TANC1: variants seen among roughly 807,000 people sequenced by gnomAD.
TANC1 encodes the protein protein TANC1.
Under a neutral mutation model 149.7 loss-of-function variants are expected in TANC1, and 77 were observed. That is an observed-to-expected ratio of 0.51 (90% confidence interval 0.43 to 0.62). TANC1 has a LOEUF of 0.62. TANC1 is among the 20% of genes least tolerant of loss of function. The pLI, the probability that TANC1 is intolerant of heterozygous loss-of-function variation, is 0.00. For missense variants in TANC1, 1,985 were observed against 2,321.8 expected (o/e 0.85, Z 2.98); for synonymous variants, 854 against 925.0 (o/e 0.92, Z 1.39).
At chr2:159,031,557 A>G (rs1574232983) in intron 2 of TANC1, among the ~76,000 whole-genome samples, 3 of 152,258 alleles carry the variant, frequency 2.0e-5, no homozygotes, top group Admixed American at 6.5e-5. Context: ...ATTTTTCCCA[A>G]GTGTAAATTA....
intron 3 of TANC1, among the ~76,000 whole-genome samples, chr2:159,074,090 G>A (rs765969439): frequency 9.2e-5 from 14 of 152,172 alleles, no homozygotes; most frequent in African/African-American, 1.4e-4. Context: ...GAGTTAGAAC[G>A]CAGCATCTGT....
intron 4 of TANC1, among the ~76,000 whole-genome samples, chr2:159,114,874 G>C (rs753190169): frequency 6.6e-6 from 1 of 152,138 alleles, no homozygotes; most frequent in Non-Finnish European, 1.5e-5. Context: ...ATGACTTTTG[G>C]TGGTGATCTT....
At chr2:158,988,058 C>G (rs887580429) in intron 1 of TANC1, among the ~76,000 whole-genome samples, 3 of 151,890 alleles carry the variant, frequency 2.0e-5, no homozygotes, top group African/African-American at 7.3e-5. Flanking sequence ...CGTGGTGGCT[C>G]ACAAGTGTAA....
intron 4 of TANC1, among the ~76,000 whole-genome samples, chr2:159,103,618 C>T (rs2046930397): frequency 1.0e-5 from 1 of 96,944 alleles, no homozygotes; most frequent in African/African-American, 2.9e-5. Flanking sequence ...GAAAAACATT[C>T]AGTTGGCTCC....
In TANC1 at chr2:158,972,498, T is replaced by A. The variant is rs1015672246; in HGVS notation, c.-126+3716T>A. ...CATTTTTGCTGTGTCTCTAAATGTTTGTGCTTTGTCCTGCTTGCCTAGTTA... is the reference window on the plus strand; with the variant it reads ...CATTTTTGCTGTGTCTCTAAATGTTAGTGCTTTGTCCTGCTTGCCTAGTTA... On this transcript the variant is annotated intron_variant, in intron 1 of 26. Transcript: ENST00000263635. Among the ~76,000 whole-genome samples, 18 of 152,312 alleles carry A rather than the reference T, an allele frequency of 1.2e-4. No individual in the cohort carries two copies. In the South Asian group the frequency reaches 3.5e-3, roughly 30 times the overall value.
intron 1 of TANC1, among the ~76,000 whole-genome samples, chr2:158,970,188 G>T (rs1311829222): frequency 6.6e-6 from 1 of 152,132 alleles, no homozygotes; most frequent in Admixed American, 6.5e-5. Context: ...TGGTTAGTTG[G>T]CACAGAGGGC....
rs2150404200 is a variant in TANC1, at chr2:159,163,274, T to C, written c.683-9T>C. The stretch of plus-strand genomic sequence containing the variant: ...GCCTCCTTCAAAGTATTTTGGTCTT[T>C]CATTTCAGCCACAATTACAAGTTCA... On this transcript the variant is annotated splice_polypyrimidine_tract_variant and intron_variant, in intron 7 of 26. Coordinates refer to ENST00000263635, the MANE Select transcript of TANC1 (RefSeq NM_033394.3). The C allele has an allele frequency of 6.8e-6, 11 of 1,610,978 alleles. No homozygotes were observed. The highest frequency in any genetic ancestry group is 9.3e-6 in the Non-Finnish European group (11 of 1,177,820).
rs1324595448 is a variant in TANC1 at position 159,231,380 on chromosome 2, G to C, written c.*368G>C. 5.7e-6 allele frequency: 1 copy of C among 176,190 alleles called. No individual in the cohort carries two copies. The highest frequency in any genetic ancestry group is 1.2e-5 in the Non-Finnish European group (1 of 81,950). The allele number at this position is 176,190 out of a possible 1,614,324, so 10.9% of individuals were successfully genotyped here. A position where few individuals can be genotyped will look rare whatever the true frequency, so the allele number is the denominator to read the frequency against. On this transcript the variant is annotated 3_prime_UTR_variant, in exon 27 of 27. Transcript: ENST00000263635. The stretch of plus-strand genomic sequence containing the variant: ...TATGTCTATTGTTCAAGAGTAACAG[G>C]TTTAACTCATGACCAAGTGATGTAC...
chr2:158,977,612 A>ATT lies in TANC1; in HGVS notation c.-126+8846_-126+8847dup, dbSNP rs59088769. 9.2e-3 allele frequency among the ~76,000 whole-genome samples: 1,317 copies of ATT among 143,112 alleles called. 20 individuals are homozygous for ATT. The highest frequency in any genetic ancestry group is 0.031 in the African/African-American group (1,212 of 39,012). The allele number at this position is 143,112 out of a possible 152,430, so 93.9% of individuals were successfully genotyped here. A position where few individuals can be genotyped will look rare whatever the true frequency, so the allele number is the denominator to read the frequency against. On this transcript the variant is annotated intron_variant, in intron 1 of 26. Transcript: ENST00000263635. ...AGGCATGAGCCACCGTGCCTGGCTA[A>ATT]TTTTTTTTTTTTTTTTTAACTGATA...
chr2:159,206,982 C>T (rs1044627608), intron 19 of TANC1, among the ~76,000 whole-genome samples: 1 of 152,172 alleles, frequency 6.6e-6, no homozygotes, highest in Non-Finnish European at 1.5e-5. Context: ...CTTAGAAGAA[C>T]AAAGTCTGTA....
At chr2:159,045,670 T>G (rs1271593429) in intron 2 of TANC1, among the ~76,000 whole-genome samples, 1 of 152,208 alleles carries the variant, frequency 6.6e-6, no homozygotes, top group East Asian at 1.9e-4. Context: ...GAAAAATATT[T>G]GTATGGGGAG....
rs780712698 is a variant in TANC1 at position 159,232,321 on chromosome 2, T to C, written c.*1309T>C. On this transcript the variant is annotated 3_prime_UTR_variant, in exon 27 of 27. Coordinates refer to ENST00000263635, the MANE Select transcript of TANC1 (RefSeq NM_033394.3). The stretch of plus-strand genomic sequence containing the variant: ...GAAGTAGGAGTGTATCTGTTTTATA[T>C]GTTGGGATGTGAAATTTATTTTCTA... 3.3e-5 allele frequency: 5 copies of C among 152,666 alleles called. No individual in the cohort carries two copies. Among genetic ancestry groups the C allele is most frequent in the Non-Finnish European group, 5.9e-5 (4 of 68,028 alleles). The allele number at this position is 152,666 out of a possible 1,614,324, so 9.5% of individuals were successfully genotyped here.
chr2:159,044,870 A>C (rs567326210), intron 2 of TANC1, among the ~76,000 whole-genome samples: 1 of 152,204 alleles, frequency 6.6e-6, no homozygotes, highest in African/African-American at 2.4e-5. Flanking sequence ...GTGACTTGCC[A>C]GCAGGATTTC....
chr2:159,127,285 A>G (rs1203613204), intron 4 of TANC1, among the ~76,000 whole-genome samples: 1 of 152,240 alleles, frequency 6.6e-6, no homozygotes, highest in Non-Finnish European at 1.5e-5. Flanking sequence ...GTCAGTCGGA[A>G]TGGCGGTTAT....
intron 2 of TANC1, among the ~76,000 whole-genome samples, chr2:159,047,267 G>A (rs1039451865): frequency 8.0e-5 from 12 of 150,610 alleles, no homozygotes; most frequent in African/African-American, 1.5e-4. Flanking sequence ...TCCCATTTTG[G>A]TCATTGGCAC....
chr2:158,983,175 G>A (rs2034566673), intron 1 of TANC1, among the ~76,000 whole-genome samples: 1 of 152,086 alleles, frequency 6.6e-6, no homozygotes, highest in Non-Finnish European at 1.5e-5. Flanking sequence ...AGAGTCAAAA[G>A]TGGTGTTTTA....
intron 22 of TANC1, among the ~76,000 whole-genome samples, chr2:159,221,472 A>G (rs1575347851): frequency 6.6e-6 from 1 of 152,144 alleles, no homozygotes; most frequent in East Asian, 1.9e-4. Context: ...GAATCTTCGT[A>G]CCCTTTGACC....
At chr2:158,999,440 A>G (rs562040207) in intron 1 of TANC1, among the ~76,000 whole-genome samples, 284 of 152,320 alleles carry the variant, frequency 1.9e-3, no homozygotes, top group African/African-American at 6.4e-3. Flanking sequence ...TTTCTTGGTT[A>G]ACATGTGAAT....
chr2:159,128,696 A>G (rs1456938854), intron 4 of TANC1, among the ~76,000 whole-genome samples: 4 of 152,106 alleles, frequency 2.6e-5, no homozygotes, highest in African/African-American at 9.7e-5. Context: ...CCTTTATCCC[A>G]CAGGCTTGGG....
Sources: gnomAD v4.1 joint callset for allele counts (sites outside exome capture counted in the v4.1 genomes callset) on GRCh38, gnomAD v4.1.1 for gene constraint, MANE v1.5 for transcripts, NCBI Gene and HGNC (gene_info 2026-07-23, HGNC 2026-07-21) for gene names.